Variants in EXOC7 observed in about 807,000 individuals in gnomAD.
EXOC7 encodes the protein exocyst complex component 7.
A neutral mutation model predicts 87.6 loss-of-function variants in EXOC7; 51 were observed. The ratio of observed to expected loss-of-function variants is 0.58; its 90% CI spans 0.46 to 0.73. The LOEUF (loss-of-function observed/expected upper bound fraction) is 0.73. EXOC7 is among the 30% of genes least tolerant of loss of function. EXOC7 has a pLI of 0.00. For missense variants in EXOC7, 744 were observed against 888.4 expected, an observed-to-expected ratio of 0.84 and a Z score of 2.07; for synonymous variants, 327 against 357.1, an observed-to-expected ratio of 0.92 and a Z score of 0.95.
chr17:76,087,992 C>A, intron 11 of EXOC7, 68 bp downstream of exon 11: 1 of 1,570,332 alleles, frequency 6.4e-7, no homozygotes, highest in Non-Finnish European at 8.8e-7. Context: ...CAGTACTCTG[C>A]CTGGCCCTGG....
Position 76,089,291 on chromosome 17 carries a change from C to A in EXOC7, c.931G>T (p.Asp311Tyr). The A allele has an allele frequency of 6.2e-7, 1 of 1,614,060 alleles. No homozygotes were observed. The highest frequency in any genetic ancestry group is 1.1e-5 in the South Asian group (1 of 91,088). ...GRDDMLDVET[D>Y]AYIHCVSAFV... The stretch of plus-strand genomic sequence containing the variant: ...GCACTGACGCAGTGGATGTAGGCAT[C>A]GGTCTCCACGTCCAGCATGTCATCT... The change falls in exon 8 of 19, where the codon GAT (aspartate) becomes TAT (tyrosine). Residue 311 changes from aspartate (D) to tyrosine (Y), a missense_variant. Physicochemically the swap from Asp to Tyr is radical, Grantham distance 160. Around this residue, in one of 3 missense-constraint regions of EXOC7, gnomAD observed 512 missense variants for 573.0 expected, o/e 0.89. Coordinates refer to ENST00000589210, the MANE Select transcript of EXOC7 (RefSeq NM_001013839.4).
rs1174043397 is a variant in EXOC7, at chr17:76,082,284, C to G, written c.*1364G>C. 2.5e-6 allele frequency: 2 copies of G among 787,212 alleles called. No homozygotes were observed. Among genetic ancestry groups the G allele is most frequent in the African/African-American group, 3.5e-5 (2 of 57,374 alleles). 48.8% of individuals were successfully genotyped at this position (787,212 alleles called of 1,614,324 possible). On this transcript the variant is annotated 3_prime_UTR_variant, in exon 19 of 19. Coordinates refer to ENST00000589210, the MANE Select transcript of EXOC7 (RefSeq NM_001013839.4). ...ATCCCCTGATAACCCATGCCTTGCA[C>G]AGCCTAAGAGGGTGTTTCTTCAACT...
At chr17:76,099,115 C>G (rs2067928324) in intron 4 of EXOC7, among the ~76,000 whole-genome samples, 1 of 152,116 alleles carries the variant, frequency 6.6e-6, no homozygotes, top group Non-Finnish European at 1.5e-5. Context: ...AATCTGTCCA[C>G]ACGATGACAT....
intron 4 of EXOC7, 136 bp downstream of exon 4, chr17:76,101,135 G>A (rs920880002): frequency 3.1e-6 from 4 of 1,306,742 alleles, no homozygotes; most frequent in Non-Finnish European, 3.9e-6. Flanking sequence ...AGATCCTAAT[G>A]CCTATAGGAT....
Position 76,088,490 on chromosome 17 carries a change from G to A in EXOC7, c.1273C>T (p.Leu425=), listed in dbSNP as rs770421986. Residue 425 remains leucine (L), a synonymous_variant, in exon 10 of 19, where the codon CTG becomes TTG. Coordinates refer to ENST00000589210, the MANE Select transcript of EXOC7 (RefSeq NM_001013839.4). ...TSMETIGAKA[L]EDFADNIKND... ...TTGATGTTGTCTGCGAAGTCCTCCA[G>A]CGCTTTGGCACCGATGGTCTCCATG... 1 of 1,613,954 alleles carries A rather than the reference G, an allele frequency of 6.2e-7. No individual in the cohort carries two copies. Among genetic ancestry groups the A allele is most frequent in the East Asian group, 2.2e-5 (1 of 44,882 alleles).
chr17:76,090,219 C>T, intron 7 of EXOC7: 2 of 1,283,346 alleles, frequency 1.6e-6, no homozygotes, highest in South Asian at 2.9e-5. Flanking sequence ...TAGGCCTGGC[C>T]CATCCTCAGA....
intron 7 of EXOC7, chr17:76,090,610 G>A: frequency 1.2e-6 from 1 of 847,632 alleles, no homozygotes; most frequent in Non-Finnish European, 1.8e-6. Context: ...TGAGCACCCA[G>A]GACCGTCCTT....
intron 14 of EXOC7, 90 bp from the exon 15 acceptor site, chr17:76,085,499 C>T (rs2067172109): frequency 7.3e-6 from 11 of 1,499,726 alleles, no homozygotes; most frequent in Non-Finnish European, 1.0e-5. Context: ...CCTCCCATTG[C>T]ACCCCAAACT....
In EXOC7 at chr17:76,084,460, C is replaced by T. The variant is rs376687598; in HGVS notation, c.1776+57G>A. ...GCTTGTCCACTTTTTCCCAGAGACA[C>T]GACAAAAAGTATCCCGTCTGCCAGA... On this transcript the variant is annotated intron_variant, in intron 16 of 18. Coordinates refer to ENST00000589210, the MANE Select transcript of EXOC7 (RefSeq NM_001013839.4). The T allele has an allele frequency of 2.2e-4, 353 of 1,591,106 alleles. 2 individuals carry two copies. The East Asian group carries it at 2.4e-3, about 11-fold the overall frequency.
chr17:76,085,930 G>T, intron 13 of EXOC7, 133 bp from the exon 14 acceptor site: 1 of 1,514,662 alleles, frequency 6.6e-7, no homozygotes. Flanking sequence ...ACTCCCCTCA[G>T]CCTCTGAACT....
intron 6 of EXOC7, among the ~76,000 whole-genome samples, chr17:76,092,000 C>G (rs953377715): frequency 2.6e-5 from 4 of 152,232 alleles, no homozygotes; most frequent in Non-Finnish European, 5.9e-5. Context: ...AAAATGGCAG[C>G]ACCCACAGCC....
chr17:76,103,621 G>A lies in EXOC7; in HGVS notation c.60+12C>T. The A allele has an allele frequency of 1.2e-6, 2 of 1,613,152 alleles. No homozygotes were observed. The highest frequency in any genetic ancestry group is 1.1e-5 in the South Asian group (1 of 90,912). On this transcript the variant is annotated intron_variant, in intron 1 of 18. Coordinates refer to ENST00000589210, the MANE Select transcript of EXOC7 (RefSeq NM_001013839.4). ...CTCACCTCCTCCCCAGCCTCCCCAGGCCCACGCCCACCTGCTTCAGCTTGT... is the reference window on the plus strand; with the variant it reads ...CTCACCTCCTCCCCAGCCTCCCCAGACCCACGCCCACCTGCTTCAGCTTGT...
At chr17:76,103,497 C>T (rs1296138485) in intron 1 of EXOC7, 71 bp from the exon 2 acceptor site, 2 of 1,546,156 alleles carry the variant, frequency 1.3e-6, no homozygotes, top group Non-Finnish European at 1.7e-6. Flanking sequence ...CCCAACCCCA[C>T]GGCCTAGCCC....
intron 10 of EXOC7, 78 bp downstream of exon 10, chr17:76,088,386 T>C: frequency 7.0e-7 from 1 of 1,426,828 alleles, no homozygotes; most frequent in Non-Finnish European, 9.7e-7. Flanking sequence ...CTTGGAGGCC[T>C]GCTCTGAGAG....
intron 5 of EXOC7, among the ~76,000 whole-genome samples, chr17:76,096,119 C>T (rs1377994620): frequency 2.0e-5 from 3 of 152,264 alleles, no homozygotes; most frequent in Admixed American, 6.5e-5. Context: ...AGATACATCG[C>T]GGCCGTGAGA....
chr17:76,087,406 G>A (rs1869150481), intron 12 of EXOC7: 3 of 562,196 alleles, frequency 5.3e-6, no homozygotes, highest in South Asian at 4.5e-5. Flanking sequence ...CTCCCAGAGT[G>A]AGGACACTGC....
rs748603736 is a variant in EXOC7, at chr17:76,082,928, G to A, written c.*720C>T. 4 of 314,184 alleles carry A rather than the reference G, an allele frequency of 1.3e-5. No individual in the cohort carries two copies. The South Asian group carries it at 2.3e-4, about 18-fold the overall frequency. 19.5% of individuals were successfully genotyped at this position (314,184 alleles called of 1,614,324 possible). Reference sequence around the variant, plus strand: ...GTCCCTGTCTCCCAGCCCACAGGCAGGCAGCCTAATTGCTCCTTCTGCAAC... The same window carrying A: ...GTCCCTGTCTCCCAGCCCACAGGCAAGCAGCCTAATTGCTCCTTCTGCAAC... On this transcript the variant is annotated 3_prime_UTR_variant, in exon 19 of 19. Coordinates refer to ENST00000589210, the MANE Select transcript of EXOC7 (RefSeq NM_001013839.4).
Position 76,085,715 on chromosome 17 carries a change from C to G in EXOC7, c.1578G>C (p.Leu526=). 6.2e-7 allele frequency: 1 copy of G among 1,614,132 alleles called. No homozygotes were observed. The highest frequency in any genetic ancestry group is 1.3e-5 in the African/African-American group (1 of 75,040). ...YEDPALSAIF[L]HNNYNYILKS... is the part of the protein sequence containing the mutation. ...TGAGGATGTAATTGTAGTTGTTGTG[C>G]AGGAAGATGGCGCTCAGAGCTGGGT... Residue 526 remains leucine, a synonymous_variant, in exon 14 of 19, where the codon CTG becomes CTC. Transcript: ENST00000589210.
chr17:76,101,161 C>T (rs555166481), intron 4 of EXOC7, 110 bp downstream of exon 4: 1 of 1,584,858 alleles, frequency 6.3e-7, no homozygotes, highest in South Asian at 1.1e-5. Context: ...GTGCTATATC[C>T]TTCTGTGTAT....
Sources: allele counts gnomAD v4.1 joint callset (sites outside exome capture counted in the v4.1 genomes callset), GRCh38; gene constraint gnomAD v4.1.1; regional missense constraint gnomAD v4.1.1; transcripts MANE v1.5; gene names NCBI Gene and HGNC (gene_info 2026-07-23, HGNC 2026-07-21).